C3orf70: variants seen among roughly 807,000 people sequenced by gnomAD.
The protein encoded by C3orf70 is UPF0524 protein C3orf70.
A neutral mutation model predicts 20.7 loss-of-function variants in C3orf70; 15 were observed. The ratio of observed to expected loss-of-function variants is 0.72; its 90% CI spans 0.48 to 1.11. C3orf70 has a LOEUF of 1.11. Ranked by LOEUF, C3orf70 falls within the 50% of genes most tolerant of loss-of-function variation. The pLI is 0.00. For missense variants in C3orf70, 332 were observed against 317.6 expected, an observed-to-expected ratio of 1.05 and a Z score of -0.34; for synonymous variants, 161 against 125.7, an observed-to-expected ratio of 1.28 and a Z score of -1.88.
intron 1 of C3orf70, among the ~76,000 whole-genome samples, chr3:185,111,913 T>C (rs1020621065): frequency 7.3e-4 from 111 of 152,312 alleles, no homozygotes; most frequent in African/African-American, 2.6e-3. Flanking sequence ...ACAGAAATGC[T>C]AACTGAAGTC....
chr3:185,101,448 C>G lies in C3orf70; in HGVS notation c.197-17885G>C, dbSNP rs77611975. On this transcript the variant is annotated intron_variant, in intron 1 of 1. Coordinates refer to ENST00000335012, the MANE Select transcript of C3orf70 (RefSeq NM_001025266.3). The stretch of plus-strand genomic sequence containing the variant: ...AACCACACAATTATCTCAATAGATG[C>G]ACGCATTCATCCATTCTTGCACTAC... 8.3e-3 allele frequency among the ~76,000 whole-genome samples: 1,257 copies of G among 152,308 alleles called. 20 individuals carry two copies. Among genetic ancestry groups the G allele is most frequent in the African/African-American group, 0.029 (1,195 of 41,550 alleles).
chr3:185,095,735 C>CTT lies in C3orf70; in HGVS notation c.197-12174_197-12173dup, dbSNP rs756180408. 6.3e-3 allele frequency among the ~76,000 whole-genome samples: 803 copies of CTT among 127,504 alleles called. 28 individuals are homozygous for CTT. Among genetic ancestry groups the CTT allele is most frequent in the East Asian group, 0.058 (242 of 4,174 alleles). 83.6% of individuals were successfully genotyped at this position (127,504 alleles called of 152,430 possible). A position where few individuals can be genotyped will look rare whatever the true frequency, so the allele number is the denominator to read the frequency against. On this transcript the variant is annotated intron_variant, in intron 1 of 1. Coordinates refer to ENST00000335012, the MANE Select transcript of C3orf70 (RefSeq NM_001025266.3). ...AACAAGCCAATATAGCATTCTGAAA[C>CTT]TTTTTTTTTTTTTTTTTTTTGAGAC... is the stretch of plus-strand genomic sequence containing the variant.
intron 1 of C3orf70, among the ~76,000 whole-genome samples, chr3:185,113,110 T>C (rs1057468631): frequency 6.6e-6 from 1 of 152,086 alleles, no homozygotes; most frequent in African/African-American, 2.4e-5. Context: ...TAGAAGTTTT[T>C]ATCTATACTA....
At chr3:185,124,773 G>A (rs1250213431) in intron 1 of C3orf70, among the ~76,000 whole-genome samples, 1 of 152,090 alleles carries the variant, frequency 6.6e-6, no homozygotes, top group Non-Finnish European at 1.5e-5. Flanking sequence ...GCAAACATAT[G>A]TCTGACAAAG....
intron 1 of C3orf70, among the ~76,000 whole-genome samples, chr3:185,108,731 T>G (rs914716895): frequency 2.0e-5 from 3 of 152,228 alleles, no homozygotes; most frequent in African/African-American, 7.2e-5. Flanking sequence ...AAATGGTACA[T>G]TCCTCATCTT....
chr3:185,101,376 C>T (rs927427170), intron 1 of C3orf70, among the ~76,000 whole-genome samples: 16 of 152,300 alleles, frequency 1.1e-4, no homozygotes, highest in Non-Finnish European at 7.4e-5. Context: ...TTTGGATCAA[C>T]ATACACACAC....
rs1301442763 is a variant in C3orf70, at chr3:185,079,080, G to A, written c.*3927C>T. 1 of 152,082 alleles carries A rather than the reference G, an allele frequency of 6.6e-6. No homozygotes were observed. Among genetic ancestry groups the A allele is most frequent in the Non-Finnish European group, 1.5e-5 (1 of 68,040 alleles). 9.4% of individuals were successfully genotyped at this position (152,082 alleles called of 1,614,324 possible). On this transcript the variant is annotated 3_prime_UTR_variant, in exon 2 of 2. Transcript: ENST00000335012. The stretch of plus-strand genomic sequence containing the variant: ...GTGGATCACGAGGTCATGAGATCAA[G>A]ACCATCCTGGCTAACACGGTGAAAC...
rs899430149 is a variant in C3orf70 at position 185,100,416 on chromosome 3, G to A, written c.197-16853C>T. Among the ~76,000 whole-genome samples the A allele has an allele frequency of 3.3e-5, 5 of 152,090 alleles. No homozygotes were observed. The South Asian group carries it at 8.3e-4, about 25-fold the overall frequency. ...TTCTGTCAAAACCATACAATTATAT[G>A]GAAGTTGAATAACCTGCTCCTGAGT... On this transcript the variant is annotated intron_variant, in intron 1 of 1. Transcript: ENST00000335012.
intron 1 of C3orf70, among the ~76,000 whole-genome samples, chr3:185,150,497 A>G (rs1438106230): frequency 6.6e-6 from 1 of 152,146 alleles, no homozygotes; most frequent in Non-Finnish European, 1.5e-5. Flanking sequence ...TGTGTCCAAA[A>G]ATATAAGTGT....
chr3:185,131,805 C>A (rs950023251), intron 1 of C3orf70, among the ~76,000 whole-genome samples: 6 of 152,130 alleles, frequency 3.9e-5, no homozygotes, highest in African/African-American at 1.4e-4. Flanking sequence ...GTTTCTGTAA[C>A]CTTTTAGAAG....
In C3orf70 at chr3:185,082,997, G is replaced by T; in HGVS notation, c.*10C>A. The T allele has an allele frequency of 1.2e-6, 2 of 1,609,788 alleles. No individual in the cohort carries two copies. Among genetic ancestry groups the T allele is most frequent in the Non-Finnish European group, 1.7e-6 (2 of 1,177,590 alleles). On this transcript the variant is annotated 3_prime_UTR_variant, in exon 2 of 2. Transcript: ENST00000335012. ...CGTGGGTCCGAGGCTGTGGCTTCCT[G>T]TCTGGACTCTCACACAGTCGTTTCT... is the stretch of plus-strand genomic sequence containing the variant.
chr3:185,113,197 C>T (rs916466974), intron 1 of C3orf70, among the ~76,000 whole-genome samples: 1 of 150,720 alleles, frequency 6.6e-6, no homozygotes, highest in Non-Finnish European at 1.5e-5. Flanking sequence ...GTAATCTCAG[C>T]ACTTTGGGAG....
At chr3:185,135,483 C>G (rs1716605759) in intron 1 of C3orf70, among the ~76,000 whole-genome samples, 1 of 152,036 alleles carries the variant, frequency 6.6e-6, no homozygotes, top group Non-Finnish European at 1.5e-5. Flanking sequence ...CAAAAATTAG[C>G]CAGAGACTGG....
intron 1 of C3orf70, among the ~76,000 whole-genome samples, chr3:185,136,586 T>G (rs1577333349): frequency 6.6e-6 from 1 of 151,884 alleles, no homozygotes; most frequent in Non-Finnish European, 1.5e-5. Context: ...GGGCCCACAG[T>G]GGTGGCGGGC....
chr3:185,131,025 G>A (rs2108602424), intron 1 of C3orf70, among the ~76,000 whole-genome samples: 1 of 152,230 alleles, frequency 6.6e-6, no homozygotes, highest in East Asian at 1.9e-4. Flanking sequence ...AACATTTTGA[G>A]TAACTGCCAA....
intron 1 of C3orf70, among the ~76,000 whole-genome samples, chr3:185,114,358 T>C (rs988843460): frequency 1.7e-4 from 26 of 152,206 alleles, no homozygotes; most frequent in Non-Finnish European, 4.4e-5. Flanking sequence ...ATATCCACAC[T>C]TGGAAATATC....
Position 185,115,590 on chromosome 3 carries a change from T to C in C3orf70, c.197-32027A>G, listed in dbSNP as rs577619428. Among the ~76,000 whole-genome samples, 363 of 152,296 alleles carry C rather than the reference T, an allele frequency of 2.4e-3. 1 individual carries two copies. The highest frequency in any genetic ancestry group is 5.4e-3 in the Admixed American group (82 of 15,298). ...AAAAACAAAACTACATATGCTTGGC[T>C]CAGCACCCTCCTTTTGCCTCTTGGG... On this transcript the variant is annotated intron_variant, in intron 1 of 1. Transcript: ENST00000335012.
chr3:185,118,957 A>T (rs1242609393), intron 1 of C3orf70, among the ~76,000 whole-genome samples: 2 of 152,222 alleles, frequency 1.3e-5, no homozygotes, highest in Non-Finnish European at 2.9e-5. Context: ...GATGGTAATG[A>T]TGTCTGTAAA....
At chr3:185,108,169 A>G (rs1251409188) in intron 1 of C3orf70, among the ~76,000 whole-genome samples, 1 of 152,216 alleles carries the variant, frequency 6.6e-6, no homozygotes, top group African/African-American at 2.4e-5. Flanking sequence ...AGTTTTTGAA[A>G]TTAACTAATT....
Sources: allele counts gnomAD v4.1 joint callset (sites outside exome capture counted in the v4.1 genomes callset), GRCh38; gene constraint gnomAD v4.1.1; transcripts MANE v1.5; gene names NCBI Gene and HGNC (gene_info 2026-07-23, HGNC 2026-07-21).